The following C7 variants were observed in gnomAD, a reference collection of about 807,000 sequenced individuals.
C7 encodes complement component C7.
In C7, 83 loss-of-function variants were observed where a neutral mutation model predicts 104.8. That is an observed-to-expected ratio of 0.79 (90% CI 0.66 to 0.95). C7 has a LOEUF of 0.95. C7 is among the 40% of genes least tolerant of loss of function. C7 has a pLI of 0.00. For missense variants in C7, 1,070 were observed against 1,011.2 expected, an observed-to-expected ratio of 1.06 and a Z score of -0.79; for synonymous variants, 415 against 360.6, an observed-to-expected ratio of 1.15 and a Z score of -1.71.
chr5:40,916,048 G>GC (rs1323228964), intron 1 of C7, among the ~76,000 whole-genome samples: 2 of 151,516 alleles, frequency 1.3e-5, no homozygotes, highest in Non-Finnish European at 2.9e-5. Flanking sequence ...AATCAGTAAA[G>GC]ATTTGAATTG....
chr5:40,911,126 C>T (rs936155218), intron 1 of C7: 3 of 152,168 alleles, frequency 2.0e-5, no homozygotes, highest in Non-Finnish European at 2.9e-5. Context: ...AACTGTAACA[C>T]TAAAGCAATT....
rs995511068 is a variant in C7 at position 40,983,954 on chromosome 5, C to A, written c.*2381C>A. 6.6e-6 allele frequency among the ~76,000 whole-genome samples: 1 copy of A among 152,128 alleles called. No individual in the cohort carries two copies. Among genetic ancestry groups the A allele is most frequent in the African/African-American group, 2.4e-5 (1 of 41,506 alleles). ...TCATTTGGCCCTCAGAAGGAACAGA[C>A]AAAGAGAAGGAAATTGGCTGGTGCA... On this transcript the variant is annotated 3_prime_UTR_variant, in exon 18 of 18. Coordinates refer to ENST00000313164, the MANE Select transcript of C7 (RefSeq NM_000587.4).
chr5:40,939,206 A>G (rs1326085545), intron 6 of C7, among the ~76,000 whole-genome samples: 1 of 152,228 alleles, frequency 6.6e-6, no homozygotes, highest in Non-Finnish European at 1.5e-5. Context: ...CTTCCAATTT[A>G]CCATAGAATA....
intron 15 of C7, 107 bp downstream of exon 15, chr5:40,972,701 C>A: frequency 1.2e-6 from 1 of 837,744 alleles, no homozygotes; most frequent in South Asian, 2.3e-5. Flanking sequence ...TCATTCCCTC[C>A]ATTCTTGCTC....
chr5:40,968,586 ATATATATATATATATTTTTTTTT>A (rs1350860732), intron 14 of C7, among the ~76,000 whole-genome samples: 14 of 76,456 alleles, frequency 1.8e-4, no homozygotes, highest in African/African-American at 6.5e-4. Context: ...ATATATATAT[ATATATATATATATATTTTTTTTT>A]TTTTTTTTTT....
intron 1 of C7, among the ~76,000 whole-genome samples, chr5:40,912,344 T>C (rs1304590427): frequency 6.6e-6 from 1 of 152,208 alleles, no homozygotes; most frequent in Non-Finnish European, 1.5e-5. Context: ...ATAAAAAGTA[T>C]ATTTCCTAAA....
intron 3 of C7, among the ~76,000 whole-genome samples, chr5:40,931,533 AT>A (rs973861248): frequency 6.6e-6 from 1 of 152,216 alleles, no homozygotes; most frequent in African/African-American, 2.4e-5. Context: ...ACACTAGCAA[AT>A]AGCAAAATGG....
chr5:40,964,071 C>T (rs1740490910), intron 13 of C7, among the ~76,000 whole-genome samples: 1 of 108,066 alleles, frequency 9.3e-6, no homozygotes, highest in African/African-American at 3.4e-5. Flanking sequence ...GAGACAGAGT[C>T]TTGCTCTGTC....
chr5:40,938,589 A>G (rs1739864560), intron 6 of C7, among the ~76,000 whole-genome samples: 1 of 152,180 alleles, frequency 6.6e-6, no homozygotes, highest in South Asian at 2.1e-4. Flanking sequence ...TTTACTAGGT[A>G]AAGTATCCAA....
rs372551834 is a variant in C7 at position 40,978,873 on chromosome 5, A to ATTTTTTTTTTTTTTTTTT, written c.2166-845_2166-828dup. Among the ~76,000 whole-genome samples the ATTTTTTTTTTTTTTTTTT allele has an allele frequency of 3.1e-4, 25 of 80,090 alleles. 1 individual carries two copies. Among genetic ancestry groups the ATTTTTTTTTTTTTTTTTT allele is most frequent in the East Asian group, 3.6e-4 (1 of 2,804 alleles). 52.5% of individuals were successfully genotyped at this position (80,090 alleles called of 152,430 possible). On this transcript the variant is annotated intron_variant, in intron 16 of 17. Transcript: ENST00000313164. ...GAGGAAGGTAACACATTTTATGGAA[A>ATTTTTTTTTTTTTTTTTT]TTTTTTTTTTTTTTTTTTTTTTTTG...
chr5:40,958,362 A>C, intron 11 of C7, 101 bp downstream of exon 11: 1 of 664,948 alleles, frequency 1.5e-6, no homozygotes, highest in Non-Finnish European at 2.4e-6. Flanking sequence ...GAAGAGATGA[A>C]GTCTCAAATG....
At chr5:40,961,068 G>A (rs1465889415) in intron 12 of C7, among the ~76,000 whole-genome samples, 5 of 152,208 alleles carry the variant, frequency 3.3e-5, no homozygotes, top group African/African-American at 7.2e-5. Flanking sequence ...AGTTATACAC[G>A]TTCAGAAAAA....
At chr5:40,979,094 G>C (rs1187933957) in intron 16 of C7, among the ~76,000 whole-genome samples, 1 of 151,720 alleles carries the variant, frequency 6.6e-6, no homozygotes, top group East Asian at 1.9e-4. Context: ...TAGCCATCCT[G>C]GTCTTGAACT....
chr5:40,964,455 T>TTGACTATTTAGGGGAA (rs1740500325), intron 13 of C7: 1 of 204,898 alleles, frequency 4.9e-6, no homozygotes, highest in Non-Finnish European at 9.7e-6. Context: ...AGTGTCCAAA[T>TTGACTATTTAGGGGAA]AATTTTAATA....
chr5:40,919,216 C>A (rs920807373), intron 1 of C7, among the ~76,000 whole-genome samples: 2 of 151,732 alleles, frequency 1.3e-5, no homozygotes, highest in African/African-American at 4.9e-5. Context: ...CTCCACCTCC[C>A]AGGCTCAAGT....
intron 7 of C7, 40 bp from the exon 8 acceptor site, chr5:40,947,562 T>C: frequency 1.2e-6 from 2 of 1,606,688 alleles, no homozygotes; most frequent in Non-Finnish European, 1.7e-6. Context: ...CCTTTTTATC[T>C]TCCACCTAAA....
chr5:40,940,305 T>C (rs150308151), intron 6 of C7, among the ~76,000 whole-genome samples: 385 of 152,324 alleles, frequency 2.5e-3, no homozygotes, highest in African/African-American at 8.9e-3. Flanking sequence ...GCTGTGCACA[T>C]TCTCTGTCTA....
chr5:40,919,126 C>CTTTTTTTT (rs35920628), intron 1 of C7, among the ~76,000 whole-genome samples: 1 of 143,382 alleles, frequency 7.0e-6, no homozygotes. Flanking sequence ...TATCAAGTAT[C>CTTTTTTTT]TTTTTTTTTT....
intron 4 of C7, among the ~76,000 whole-genome samples, chr5:40,935,118 T>C (rs1055789208): frequency 6.6e-6 from 1 of 152,196 alleles, no homozygotes; most frequent in African/African-American, 2.4e-5. Flanking sequence ...TGCTCCTCAG[T>C]GATACCTGTT....
Sources: allele counts gnomAD v4.1 joint callset (sites outside exome capture counted in the v4.1 genomes callset), GRCh38; gene constraint gnomAD v4.1.1; transcripts MANE v1.5; gene names NCBI Gene and HGNC (gene_info 2026-07-23, HGNC 2026-07-21).